CALCOCO2: variants seen among roughly 807,000 people sequenced by gnomAD.
CALCOCO2 encodes calcium binding and coiled-coil domain 2, also known as calcium-binding and coiled-coil domain-containing protein 2.
A neutral mutation model predicts 62.5 loss-of-function variants in CALCOCO2; 42 were observed. That is an observed-to-expected ratio of 0.67 (90% CI 0.53 to 0.87). The LOEUF (loss-of-function observed/expected upper bound fraction) is 0.87. CALCOCO2 is among the 40% of genes least tolerant of loss of function. The pLI, the probability that CALCOCO2 is intolerant of heterozygous loss-of-function variation, is 0.00. For synonymous variants in CALCOCO2, 167 were observed against 173.0 expected (o/e 0.97, Z 0.27); for missense variants, 456 against 515.0 (o/e 0.89, Z 1.11).
chr17:48,831,245 C>G (rs1234835417), intron 1 of CALCOCO2, 167 bp downstream of exon 1: 1 of 152,298 alleles, frequency 6.6e-6, no homozygotes, highest in Non-Finnish European at 1.5e-5. Flanking sequence ...GCCCTGGAGC[C>G]CCTCCCGCGG....
At chr17:48,847,392 C>T (rs2040066737) in intron 2 of CALCOCO2, among the ~76,000 whole-genome samples, 1 of 152,056 alleles carries the variant, frequency 6.6e-6, no homozygotes, top group African/African-American at 2.4e-5. Context: ...TTCATATTCC[C>T]GCAACTTTCC....
chr17:48,860,921 G>C (rs942487922), intron 11 of CALCOCO2, among the ~76,000 whole-genome samples: 3 of 152,094 alleles, frequency 2.0e-5, no homozygotes, highest in Non-Finnish European at 4.4e-5. Context: ...AGGACTTGGG[G>C]TAACATGTCC....
Position 48,865,129 on chromosome 17 carries a change from C to G in CALCOCO2, c.*2124C>G, listed in dbSNP as rs928234189. 7 of 152,186 alleles carry G rather than the reference C, an allele frequency of 4.6e-5. No homozygotes were observed. Among genetic ancestry groups the G allele is most frequent in the Non-Finnish European group, 7.3e-5 (5 of 68,036 alleles). The allele number at this position is 152,186 out of a possible 1,614,324, so 9.4% of individuals were successfully genotyped here. A position where few individuals can be genotyped will look rare whatever the true frequency, so the allele number is the denominator to read the frequency against. On this transcript the variant is annotated 3_prime_UTR_variant, in exon 13 of 13. Coordinates refer to ENST00000258947, the MANE Select transcript of CALCOCO2 (RefSeq NM_005831.5). ...AAAAACCAGTTGAGGTGTTAATGAC[C>G]CTTTTTGCTGGGTGTAAAACAAAGC...
chr17:48,839,022 C>T (rs977457571), intron 1 of CALCOCO2, among the ~76,000 whole-genome samples: 11 of 148,872 alleles, frequency 7.4e-5, no homozygotes, highest in African/African-American at 2.8e-4. Flanking sequence ...TTTTTTGAGA[C>T]GGAGTCTCAC....
At chr17:48,858,703 G>GT (rs2040279941) in intron 10 of CALCOCO2, among the ~76,000 whole-genome samples, 1 of 151,700 alleles carries the variant, frequency 6.6e-6, no homozygotes, top group African/African-American at 2.4e-5. Context: ...TGTGGGGGGG[G>GT]GCAGGTGCAC....
intron 2 of CALCOCO2, chr17:48,846,583 C>T: frequency 1.4e-6 from 1 of 726,962 alleles, no homozygotes; most frequent in East Asian, 2.7e-5. Context: ...ATATTTTGGT[C>T]ACAGTGCATT....
At chr17:48,851,748 A>G (rs2040133215) in intron 7 of CALCOCO2, 120 bp downstream of exon 7, 2 of 694,826 alleles carry the variant, frequency 2.9e-6, no homozygotes, top group Non-Finnish European at 5.3e-6. Flanking sequence ...TTTTCAAAGT[A>G]TCACACTAAA....
chr17:48,852,600 A>G lies in CALCOCO2; in HGVS notation c.797A>G (p.Asp266Gly), dbSNP rs1294458824. The G allele has an allele frequency of 6.2e-7, 1 of 1,613,478 alleles. No individual in the cohort carries two copies. The highest frequency in any genetic ancestry group is 2.2e-5 in the East Asian group (1 of 44,878). Residue 266 changes from aspartate (D) to glycine (G), a missense_variant, in exon 8 of 13, where the codon GAC becomes GGC. By Grantham distance (94) the Asp-to-Gly change is moderately conservative (BLOSUM62 -1). Transcript: ENST00000258947. ...EQLEQLKKEN[D>G]HLFLSLTEQR... The stretch of plus-strand genomic sequence containing the variant: ...TTAGAGCAGCTGAAAAAGGAAAATG[A>G]CCACCTCTTTCTCAGTTTAACTGAA...
At chr17:48,853,881 C>CT (rs2040167053) in intron 9 of CALCOCO2, among the ~76,000 whole-genome samples, 1 of 152,172 alleles carries the variant, frequency 6.6e-6, no homozygotes, top group Admixed American at 6.6e-5. Context: ...GCTGCTGTCC[C>CT]TATAGATTCT....
chr17:48,849,255 G>A lies in CALCOCO2; in HGVS notation c.421G>A (p.Glu141Lys), dbSNP rs1177760303. Reference sequence around the variant, plus strand: ...TTTATGGAATGTTCTTTTGTAGGGAGAGGTGGAAGAGATTGAGCAGCACAA... The same window carrying A: ...TTTATGGAATGTTCTTTTGTAGGGAAAGGTGGAAGAGATTGAGCAGCACAA... ...EDILVVTTQG[E>K]VEEIEQHNKE... The change falls in exon 5 of 13, where the codon GAG (glutamate) becomes AAG (lysine). Residue 141 changes from glutamate (E) to lysine (K), a missense_variant. Coordinates refer to ENST00000258947, the MANE Select transcript of CALCOCO2 (RefSeq NM_005831.5). The A allele has an allele frequency of 2.5e-6, 4 of 1,613,680 alleles. No homozygotes were observed. The highest frequency in any genetic ancestry group is 2.2e-5 in the East Asian group (1 of 44,866).
At chr17:48,832,839 C>G (rs1003481864) in intron 1 of CALCOCO2, among the ~76,000 whole-genome samples, 11 of 152,152 alleles carry the variant, frequency 7.2e-5, no homozygotes, top group Admixed American at 3.3e-4. Context: ...ACCTGATGTC[C>G]CAGAACTATT....
chr17:48,841,445 T>C, intron 1 of CALCOCO2: 1 of 323,300 alleles, frequency 3.1e-6, no homozygotes, highest in Admixed American at 4.9e-5. Flanking sequence ...TATAAGCCTC[T>C]GTTCATGTGA....
At chr17:48,850,639 T>C (rs547813263) in intron 5 of CALCOCO2, among the ~76,000 whole-genome samples, 1 of 152,180 alleles carries the variant, frequency 6.6e-6, no homozygotes, top group Non-Finnish European at 1.5e-5. Context: ...TCCACTGTTG[T>C]GTCTGCAATG....
In CALCOCO2 at chr17:48,849,396, G is replaced by A. The variant is rs1436725307; in HGVS notation, c.543+19G>A. ...GAAGCAGGTATGGCTGCTGGTTATA[G>A]GTGACCTTGGAGCATGGAGATCAGA... On this transcript the variant is annotated intron_variant, in intron 5 of 12. Transcript: ENST00000258947. 5 of 1,610,898 alleles carry A rather than the reference G, an allele frequency of 3.1e-6. No homozygotes were observed. Among genetic ancestry groups the A allele is most frequent in the Non-Finnish European group, 3.4e-6 (4 of 1,178,820 alleles).
At chr17:48,842,154 CTTTTTTTTTTT>C (rs200836727) in intron 2 of CALCOCO2, 3 of 136,652 alleles carry the variant, frequency 2.2e-5, no homozygotes, top group Admixed American at 8.2e-5. Flanking sequence ...TTTTTCTTTT[CTTTTTTTTTTT>C]TTTTTTTTGA....
Position 48,856,119 on chromosome 17 carries a change from CTGAG to C in CALCOCO2, c.945_948del (p.Ser315ArgfsTer23), listed in dbSNP as rs759227719. 4.4e-6 allele frequency: 7 copies of C among 1,599,228 alleles called. No individual in the cohort carries two copies. The South Asian group carries it at 7.8e-5, about 18-fold the overall frequency. ...TGAAAACTTTGACCTGTCAAAAAGA[CTGAG>C]TGAGAACGAAATTATATGTAATGCT... is the stretch of plus-strand genomic sequence containing the variant. On this transcript the variant is annotated frameshift_variant, in exon 10 of 13. Coordinates refer to ENST00000258947, the MANE Select transcript of CALCOCO2 (RefSeq NM_005831.5). LOFTEE classifies it high-confidence loss of function.
intron 1 of CALCOCO2, among the ~76,000 whole-genome samples, chr17:48,832,370 G>A (rs1015650621): frequency 2.0e-5 from 3 of 152,126 alleles, no homozygotes; most frequent in African/African-American, 7.2e-5. Context: ...CTCCAGCCTG[G>A]GCAACAGAGT....
intron 9 of CALCOCO2, 103 bp downstream of exon 9, chr17:48,853,115 G>A (rs1027520411): frequency 1.3e-6 from 1 of 757,860 alleles, no homozygotes; most frequent in Non-Finnish European, 2.3e-6. Context: ...AAATAAGAGA[G>A]TGTTCACCTC....
In CALCOCO2 at chr17:48,864,718, C is replaced by T. The variant is rs948185492; in HGVS notation, c.*1713C>T. The T allele has an allele frequency of 1.3e-5, 2 of 152,400 alleles. No individual in the cohort carries two copies. Among genetic ancestry groups the T allele is most frequent in the African/African-American group, 4.8e-5 (2 of 41,452 alleles). The allele number at this position is 152,400 out of a possible 1,614,324, so 9.4% of individuals were successfully genotyped here. A position where few individuals can be genotyped will look rare whatever the true frequency, so the allele number is the denominator to read the frequency against. The stretch of plus-strand genomic sequence containing the variant: ...AACTGTATTGTCCTAGTCACAGCTC[C>T]TTGCTTTGATTTCATCCTTGATAAA... On this transcript the variant is annotated 3_prime_UTR_variant, in exon 13 of 13. Coordinates refer to ENST00000258947, the MANE Select transcript of CALCOCO2 (RefSeq NM_005831.5).
Sources: allele counts gnomAD v4.1 joint callset (sites outside exome capture counted in the v4.1 genomes callset), GRCh38; gene constraint gnomAD v4.1.1; transcripts MANE v1.5; gene names NCBI Gene and HGNC (gene_info 2026-07-23, HGNC 2026-07-21).